Variants in PRKN observed in about 807,000 individuals in gnomAD.
PRKN encodes the protein parkin RBR E3 ubiquitin protein ligase, also known as E3 ubiquitin-protein ligase parkin.
PRKN carries 56 observed loss-of-function variants against 59.5 expected under a neutral mutation model. The ratio of observed to expected loss-of-function variants is 0.94; its 90% CI spans 0.76 to 1.18. The LOEUF (loss-of-function observed/expected upper bound fraction) is 1.18, where lower values mean the gene tolerates loss of function less well. PRKN is among the 50% of genes most tolerant of loss of function. PRKN has a pLI of 0.00. For synonymous variants in PRKN, 250 were observed against 222.1 expected, an observed-to-expected ratio of 1.13 and a Z score of -1.12; for missense variants, 657 against 596.4, an observed-to-expected ratio of 1.10 and a Z score of -1.06.
intron 6 of PRKN, among the ~76,000 whole-genome samples, chr6:161,870,910 C>T (rs1410889183): frequency 6.6e-6 from 1 of 151,722 alleles, no homozygotes; most frequent in African/African-American, 2.4e-5. Context: ...GTTCTTTTGC[C>T]TAAATGAGAC....
At chr6:161,833,875 A>G (rs190614999) in intron 6 of PRKN, among the ~76,000 whole-genome samples, 23 of 152,298 alleles carry the variant, frequency 1.5e-4, no homozygotes, top group Non-Finnish European at 3.1e-4. Context: ...ACCTAGAACT[A>G]TTTAGATTAT....
intron 1 of PRKN, among the ~76,000 whole-genome samples, chr6:162,468,112 G>A (rs1034807189): frequency 1.3e-5 from 2 of 152,168 alleles, no homozygotes; most frequent in Admixed American, 6.5e-5. Flanking sequence ...AGCCCCGACA[G>A]GACAGGGACT....
intron 1 of PRKN, among the ~76,000 whole-genome samples, chr6:162,707,381 C>T (rs902041758): frequency 2.0e-5 from 3 of 152,122 alleles, no homozygotes; most frequent in African/African-American, 7.2e-5. Context: ...ATAAACAATA[C>T]TCTCAGAACA....
chr6:161,653,106 G>A (rs1241752705), intron 7 of PRKN, among the ~76,000 whole-genome samples: 1 of 152,200 alleles, frequency 6.6e-6, no homozygotes, highest in East Asian at 1.9e-4. Flanking sequence ...GCTTATGCCT[G>A]TAATCCCAGC....
At chr6:162,158,589 G>A (rs919001365) in intron 4 of PRKN, among the ~76,000 whole-genome samples, 2 of 151,934 alleles carry the variant, frequency 1.3e-5, no homozygotes, top group Non-Finnish European at 2.9e-5. Context: ...GCACCAGCAC[G>A]CCTGGCTAAT....
At chr6:161,408,728 C>T (rs982097403) in intron 9 of PRKN, among the ~76,000 whole-genome samples, 1 of 151,736 alleles carries the variant, frequency 6.6e-6, no homozygotes, top group Admixed American at 6.6e-5. Context: ...TATGTTTTGT[C>T]CCCATACAAT....
chr6:161,771,681 C>A (rs1359464418), intron 7 of PRKN, among the ~76,000 whole-genome samples: 1 of 152,126 alleles, frequency 6.6e-6, no homozygotes, highest in Non-Finnish European at 1.5e-5. Flanking sequence ...CATGTGAGAT[C>A]ACCTGGAGGG....
intron 10 of PRKN, among the ~76,000 whole-genome samples, chr6:161,366,298 C>T (rs919692029): frequency 2.0e-5 from 3 of 152,044 alleles, no homozygotes; most frequent in Admixed American, 6.6e-5. Context: ...TGGGCAGCAG[C>T]GTGGGTTAAG....
intron 2 of PRKN, among the ~76,000 whole-genome samples, chr6:162,319,101 TAA>T (rs1173019441): frequency 1.3e-5 from 2 of 152,030 alleles, no homozygotes; most frequent in African/African-American, 4.8e-5. Context: ...ATTTCCTGAT[TAA>T]GTCACAAATT....
chr6:162,066,919 CT>C (rs1158194779), intron 4 of PRKN, among the ~76,000 whole-genome samples: 1 of 152,140 alleles, frequency 6.6e-6, no homozygotes, highest in Non-Finnish European at 1.5e-5. Context: ...AACAGAATTT[CT>C]GATTTATAGC....
intron 4 of PRKN, among the ~76,000 whole-genome samples, chr6:162,179,617 G>C (rs539386039): frequency 6.6e-6 from 1 of 152,136 alleles, no homozygotes; most frequent in African/African-American, 2.4e-5. Context: ...CTAGAGGAGC[G>C]TATACATGTG....
At chr6:162,495,753 C>T (rs1793037939) in intron 1 of PRKN, among the ~76,000 whole-genome samples, 1 of 152,258 alleles carries the variant, frequency 6.6e-6, no homozygotes, top group Non-Finnish European at 1.5e-5. Context: ...CACTCAGCAC[C>T]ATCACCGACG....
At chr6:162,044,911 C>A (rs188575235) in intron 5 of PRKN, among the ~76,000 whole-genome samples, 1 of 152,336 alleles carries the variant, frequency 6.6e-6, no homozygotes, top group East Asian at 1.9e-4. Flanking sequence ...CTGCCCTATT[C>A]ACAGAGGGAA....
At chr6:161,784,009 T>C (rs566051945) in intron 7 of PRKN, among the ~76,000 whole-genome samples, 1 of 152,302 alleles carries the variant, frequency 6.6e-6, no homozygotes, top group East Asian at 1.9e-4. Flanking sequence ...AAATTGAACT[T>C]AAAACCTCAC....
In PRKN at chr6:162,665,258, T is replaced by C. The variant is rs986806785; in HGVS notation, c.7+62404A>G. Among the ~76,000 whole-genome samples the C allele has an allele frequency of 2.0e-5, 3 of 152,122 alleles. No homozygotes were observed. In the South Asian group the frequency reaches 6.2e-4, roughly 32 times the overall value. On this transcript the variant is annotated intron_variant, in intron 1 of 11. Transcript: ENST00000366898. ...AAGTCAAGTTGTCTCTGTTTGCAGATGACATGATTTTATATTTAGAAAACC... is the reference window on the plus strand; with the variant it reads ...AAGTCAAGTTGTCTCTGTTTGCAGACGACATGATTTTATATTTAGAAAACC...
At position 162,193,022 on chromosome 6, in the gene PRKN, A is replaced by T. The variant is rs73594267; in HGVS notation, c.534+8109T>A. Among the ~76,000 whole-genome samples the T allele has an allele frequency of 7.6e-3, 1,157 of 152,256 alleles. 11 individuals are homozygous for T. The highest frequency in any genetic ancestry group is 0.026 in the African/African-American group (1,088 of 41,552). On this transcript the variant is annotated intron_variant, in intron 4 of 11. Coordinates refer to ENST00000366898, the MANE Select transcript of PRKN (RefSeq NM_004562.3). Reference sequence around the variant, plus strand: ...CCCTTTTTCTTAAAGAGTAGTGAGTAAAATCATTACCAAACAAACAAAAAA... The same window carrying T: ...CCCTTTTTCTTAAAGAGTAGTGAGTTAAATCATTACCAAACAAACAAAAAA...
Position 161,356,511 on chromosome 6 carries a change from G to A in PRKN, c.1285+3577C>T, listed in dbSNP as rs550532394. Among the ~76,000 whole-genome samples, 2 of 152,156 alleles carry A rather than the reference G, an allele frequency of 1.3e-5. No homozygotes were observed. Among genetic ancestry groups the A allele is most frequent in the African/African-American group, 4.8e-5 (2 of 41,434 alleles). ...ATCATAAATATGCGAGAGTGGAGGCGAGAGCCCTTTTGGGAAGCTGTGCTT... is the reference window on the plus strand; with the variant it reads ...ATCATAAATATGCGAGAGTGGAGGCAAGAGCCCTTTTGGGAAGCTGTGCTT... On this transcript the variant is annotated intron_variant, in intron 11 of 11. Coordinates refer to ENST00000366898, the MANE Select transcript of PRKN (RefSeq NM_004562.3). This position sits in a 1 kb window ranked among gnomAD's most constrained non-coding sequence, Gnocchi z 7.8.
At chr6:161,986,486 G>T (rs1388483738) in intron 5 of PRKN, among the ~76,000 whole-genome samples, 2 of 89,966 alleles carry the variant, frequency 2.2e-5, no homozygotes, top group Non-Finnish European at 4.1e-5. Context: ...TTAGTCTGCA[G>T]TGTCCTTTTT....
At chr6:161,602,159 A>G (rs73019452) in intron 7 of PRKN, among the ~76,000 whole-genome samples, 90 of 151,068 alleles carry the variant, frequency 6.0e-4, no homozygotes, top group South Asian at 1.0e-3. Flanking sequence ...TTACCTACCT[A>G]TCTTATCTAT....
Sources: gnomAD v4.1 joint callset for allele counts (sites outside exome capture counted in the v4.1 genomes callset) on GRCh38, gnomAD v4.1.1 for gene constraint, Gnocchi (gnomAD v3.1) non-coding constraint, MANE v1.5 for transcripts, NCBI Gene and HGNC (gene_info 2026-07-23, HGNC 2026-07-21) for gene names.